LDAH: variants seen among roughly 807,000 people sequenced by gnomAD.
LDAH encodes the protein lipid droplet associated hydrolase.
Under a neutral mutation model 29.6 loss-of-function variants are expected in LDAH, and 26 were observed. The observed-to-expected ratio is 0.88, with a 90% CI of 0.64 to 1.22. The LOEUF is 1.22. Among genes scored for constraint, LDAH ranks in the 50% most tolerant of loss-of-function variants. LDAH has a pLI of 0.00. For missense variants in LDAH, 344 were observed against 387.3 expected, an observed-to-expected ratio of 0.89 and a Z score of 0.94; for synonymous variants, 117 against 133.0, an observed-to-expected ratio of 0.88 and a Z score of 0.83.
intron 5 of LDAH, among the ~76,000 whole-genome samples, chr2:20,707,682 C>A (rs532912663): frequency 6.6e-6 from 1 of 152,290 alleles, no homozygotes; most frequent in South Asian, 2.1e-4. Flanking sequence ...AAGGAATCAT[C>A]TGAAAGAATT....
In LDAH at chr2:20,780,539, G is replaced by A. The variant is rs16988065; in HGVS notation, c.299-5560C>T. On this transcript the variant is annotated intron_variant, in intron 3 of 6. Coordinates refer to ENST00000237822, the MANE Select transcript of LDAH (RefSeq NM_021925.4). ...TGGCTATGTGTGGTTATATGGAAAG[G>A]TGAAGCATAAGGTTAAAAAGGAAAG... is the stretch of plus-strand genomic sequence containing the variant. 1.8e-3 allele frequency among the ~76,000 whole-genome samples: 277 copies of A among 152,284 alleles called. 2 individuals are homozygous for A. The highest frequency in any genetic ancestry group is 6.4e-3 in the African/African-American group (268 of 41,554).
At chr2:20,778,681 A>C (rs1049144488) in intron 3 of LDAH, among the ~76,000 whole-genome samples, 10 of 152,162 alleles carry the variant, frequency 6.6e-5, no homozygotes, top group Non-Finnish European at 1.0e-4. Flanking sequence ...ACAATCATTA[A>C]ATGCCAAAGT....
intron 5 of LDAH, among the ~76,000 whole-genome samples, chr2:20,712,020 G>A (rs1438419236): frequency 1.3e-5 from 2 of 152,380 alleles, no homozygotes; most frequent in Non-Finnish European, 2.9e-5. Flanking sequence ...TGACAGCTCT[G>A]AAGACAGCAG....
At chr2:20,785,087 T>C (rs1229186676) in intron 3 of LDAH, among the ~76,000 whole-genome samples, 1 of 152,184 alleles carries the variant, frequency 6.6e-6, no homozygotes, top group Non-Finnish European at 1.5e-5. Context: ...TAAACAGCTA[T>C]CTACCAGATC....
chr2:20,723,053 C>T lies in LDAH; in HGVS notation c.703+16918G>A, dbSNP rs142715522. On this transcript the variant is annotated intron_variant, in intron 5 of 6. Coordinates refer to ENST00000237822, the MANE Select transcript of LDAH (RefSeq NM_021925.4). ...ACTGAAAGGCAAGCATAAAAATGCT[C>T]TTGACAGTATTATTTTTAGTAGTAC... 5.3e-4 allele frequency among the ~76,000 whole-genome samples: 81 copies of T among 152,264 alleles called. No individual in the cohort carries two copies. In the East Asian group the frequency reaches 0.014, roughly 27 times the overall value.
chr2:20,752,591 C>T (rs1184370924), intron 4 of LDAH, among the ~76,000 whole-genome samples: 1 of 151,184 alleles, frequency 6.6e-6, no homozygotes, highest in Non-Finnish European at 1.5e-5. Context: ...CTGAACAAGA[C>T]AGATACACAG....
At chr2:20,694,174 T>C (rs58722500) in intron 6 of LDAH, among the ~76,000 whole-genome samples, 4,696 of 152,274 alleles carry the variant, frequency 0.031, 244 homozygotes, top group African/African-American at 0.11. Context: ...TACCCTGCCT[T>C]TATCTCCTGT....
At chr2:20,814,238 G>C (rs1312341982) in intron 1 of LDAH, among the ~76,000 whole-genome samples, 1 of 149,250 alleles carries the variant, frequency 6.7e-6, no homozygotes, top group Non-Finnish European at 1.5e-5. Context: ...ATGGGGGGGG[G>C]GGGTCCATGG....
At chr2:20,816,915 C>G (rs1269432541) in intron 1 of LDAH, among the ~76,000 whole-genome samples, 1 of 151,910 alleles carries the variant, frequency 6.6e-6, no homozygotes, top group African/African-American at 2.4e-5. Context: ...AGAAAAACAA[C>G]AGGTAAATCA....
chr2:20,767,038 C>T (rs1043816155), intron 4 of LDAH, among the ~76,000 whole-genome samples: 2 of 152,208 alleles, frequency 1.3e-5, no homozygotes, highest in African/African-American at 4.8e-5. Flanking sequence ...GCGCACTGGG[C>T]AGGGCCACAA....
chr2:20,740,114 C>A lies in LDAH; in HGVS notation c.560G>T (p.Arg187Leu). 1.2e-6 allele frequency: 2 copies of A among 1,614,110 alleles called. No homozygotes were observed. The highest frequency in any genetic ancestry group is 2.2e-5 in the South Asian group (2 of 91,082). ...RIATPLLCWF[R>L]YVLYVTGYLL... The stretch of plus-strand genomic sequence containing the variant: ...GTAGCCAGTAACATAGAGAACATAT[C>A]GAAACCAGCACAAAAGTGGAGTGGC... Residue 187 changes from arginine to leucine, a missense_variant, in exon 5 of 7, where the codon CGA becomes CTA. By Grantham distance (102) the Arg-to-Leu change is moderately radical. Coordinates refer to ENST00000237822, the MANE Select transcript of LDAH (RefSeq NM_021925.4).
intron 3 of LDAH, among the ~76,000 whole-genome samples, chr2:20,784,041 A>T (rs538720309): frequency 5.3e-5 from 8 of 152,158 alleles, no homozygotes; most frequent in Non-Finnish European, 1.2e-4. Flanking sequence ...GACAACATAT[A>T]GTTGGATCTC....
rs1373905929 is a variant in LDAH, at chr2:20,684,315, A to T, written c.*2588T>A. 1 of 152,064 alleles carries T rather than the reference A, an allele frequency of 6.6e-6. No homozygotes were observed. The highest frequency in any genetic ancestry group is 1.5e-5 in the Non-Finnish European group (1 of 68,016). The allele number at this position is 152,064 out of a possible 1,614,324, so 9.4% of individuals were successfully genotyped here. ...AATTGTCTCAACAATGTCTTTTATA[A>T]CAAAAACATCCAATTCAGAATCAGA... On this transcript the variant is annotated 3_prime_UTR_variant, in exon 7 of 7. Transcript: ENST00000237822.
intron 2 of LDAH, among the ~76,000 whole-genome samples, chr2:20,800,229 A>G (rs566725018): frequency 1.3e-5 from 2 of 152,346 alleles, no homozygotes; most frequent in South Asian, 4.2e-4. Context: ...AAAACCCTGA[A>G]GTCTTAAAGG....
chr2:20,687,006 C>A lies in LDAH; in HGVS notation c.875G>T (p.Arg292Leu). The change falls in exon 7 of 7, where the codon CGA becomes CTA. Residue 292 changes from arginine to leucine, a missense_variant. Coordinates refer to ENST00000237822, the MANE Select transcript of LDAH (RefSeq NM_021925.4). ...ATGAGGTATGTTTTTCTCACAGAGT[C>A]GAATGTCTCCTTCTGGAAAATCCTT... The part of the protein sequence containing the change: ...IKKDFPEGDI[R>L]LCEKNIPHAF... 4 of 1,613,986 alleles carry A rather than the reference C, an allele frequency of 2.5e-6. No individual in the cohort carries two copies. In the South Asian group the frequency reaches 3.3e-5, roughly 13 times the overall value.
intron 5 of LDAH, among the ~76,000 whole-genome samples, chr2:20,715,194 G>A (rs757058329): frequency 6.6e-6 from 1 of 152,214 alleles, no homozygotes; most frequent in Non-Finnish European, 1.5e-5. Context: ...GATCAAGTTG[G>A]CTTCATCCCT....
At chr2:20,775,396 C>T (rs1190674916) in intron 3 of LDAH, among the ~76,000 whole-genome samples, 1 of 152,146 alleles carries the variant, frequency 6.6e-6, no homozygotes, top group African/African-American at 2.4e-5. Context: ...TATTGCTGGG[C>T]TCCACACCCC....
intron 6 of LDAH, among the ~76,000 whole-genome samples, chr2:20,692,754 C>A (rs1461809298): frequency 2.6e-5 from 4 of 152,114 alleles, no homozygotes; most frequent in Non-Finnish European, 5.9e-5. Context: ...GCTTGATGAG[C>A]CTTTGGCACA....
chr2:20,767,132 C>T (rs1669096296), intron 4 of LDAH, among the ~76,000 whole-genome samples: 2 of 152,220 alleles, frequency 1.3e-5, no homozygotes, highest in Non-Finnish European at 2.9e-5. Flanking sequence ...TACCCTGACA[C>T]TGGCCTGGGC....
Sources: gnomAD v4.1 joint callset for allele counts (sites outside exome capture counted in the v4.1 genomes callset) on GRCh38, gnomAD v4.1.1 for gene constraint, MANE v1.5 for transcripts, NCBI Gene and HGNC (gene_info 2026-07-23, HGNC 2026-07-21) for gene names.